Variants in SQOR observed in about 807,000 individuals in gnomAD.
SQOR encodes the protein sulfide quinone oxidoreductase, also known as sulfide:quinone oxidoreductase, mitochondrial.
In SQOR, 39 loss-of-function variants were observed where a neutral mutation model predicts 48.6. That is an observed-to-expected ratio of 0.80 (90% CI 0.62 to 1.05). SQOR has a LOEUF of 1.05. Ranked by LOEUF, SQOR falls within the 50% of genes least tolerant of loss-of-function variation. The probability of loss-of-function intolerance (pLI) is 0.00; values close to 1 mark genes in which losing one functional copy is unlikely to be tolerated. For missense variants in SQOR, 561 were observed against 559.9 expected (o/e 1.00, Z -0.02); for synonymous variants, 220 against 206.2 (o/e 1.07, Z -0.57).
intron 1 of SQOR, among the ~76,000 whole-genome samples, chr15:45,642,813 T>C (rs1437435868): frequency 6.6e-6 from 1 of 152,134 alleles, no homozygotes; most frequent in Admixed American, 6.5e-5. Flanking sequence ...CAGAAGCCTT[T>C]CCCACGTCTT....
At chr15:45,669,846 G>T in intron 3 of SQOR, 82 bp from the exon 4 acceptor site, 1 of 1,194,558 alleles carries the variant, frequency 8.4e-7, no homozygotes, top group South Asian at 1.2e-5. Flanking sequence ...AGACCACATG[G>T]AACCACATCT....
chr15:45,644,009 A>T (rs1356920790), intron 1 of SQOR, among the ~76,000 whole-genome samples: 1 of 152,228 alleles, frequency 6.6e-6, no homozygotes, highest in African/African-American at 2.4e-5. Flanking sequence ...AATTTAGCTC[A>T]ATCACCCACA....
chr15:45,642,991 A>C (rs572717465), intron 1 of SQOR, among the ~76,000 whole-genome samples: 1 of 152,290 alleles, frequency 6.6e-6, no homozygotes, highest in South Asian at 2.1e-4. Flanking sequence ...TTTCTCCTCC[A>C]ACAGGAGGGT....
chr15:45,674,691 G>A (rs1890005027), intron 5 of SQOR, among the ~76,000 whole-genome samples: 1 of 152,134 alleles, frequency 6.6e-6, no homozygotes, highest in African/African-American at 2.4e-5. Context: ...AGAGATATTT[G>A]GGCAGGAGGA....
At chr15:45,643,834 T>C (rs1214507981) in intron 1 of SQOR, among the ~76,000 whole-genome samples, 1 of 152,166 alleles carries the variant, frequency 6.6e-6, no homozygotes, top group African/African-American at 2.4e-5. Flanking sequence ...ATGGATAAAA[T>C]AGATGTGAAG....
intron 8 of SQOR, 43 bp downstream of exon 8, chr15:45,688,447 C>T (rs779676686): frequency 1.4e-6 from 2 of 1,397,402 alleles, no homozygotes; most frequent in East Asian, 4.7e-5. Context: ...TGATCATCTT[C>T]CATTCTGTGT....
rs578015991 is a variant in SQOR, at chr15:45,664,269, G to A, written c.405+2144G>A. On this transcript the variant is annotated intron_variant, in intron 3 of 9. Transcript: ENST00000260324. ...TTTGTATTCTTTCTTGGACACCCAG[G>A]ATGTTATTGTTTTTAATACACTTAA... Among the ~76,000 whole-genome samples the A allele has an allele frequency of 9.2e-5, 14 of 152,188 alleles. No individual in the cohort carries two copies. In the South Asian group the frequency reaches 2.9e-3, roughly 32 times the overall value.
Position 45,690,807 on chromosome 15 carries a change from T to C in SQOR, c.1296-166T>C, listed in dbSNP as rs568792969. Among the ~76,000 whole-genome samples the C allele has an allele frequency of 6.6e-5, 10 of 152,322 alleles. No homozygotes were observed. In the South Asian group the frequency reaches 2.1e-3, roughly 32 times the overall value. ...GTCAAAGCTTAGGAATGGAAGTAGG[T>C]TGTCCCCTCCTAGTCATGGGATCTC... is the stretch of plus-strand genomic sequence containing the variant. On this transcript the variant is annotated intron_variant, in intron 9 of 9. Transcript: ENST00000260324.
At chr15:45,651,188 C>T (rs952238801) in intron 1 of SQOR, among the ~76,000 whole-genome samples, 5 of 152,212 alleles carry the variant, frequency 3.3e-5, no homozygotes, top group Admixed American at 1.3e-4. Context: ...AGAATTCAAG[C>T]GCAGCACCTG....
intron 3 of SQOR, among the ~76,000 whole-genome samples, chr15:45,669,178 A>ATTT (rs145149961): frequency 6.8e-6 from 1 of 147,270 alleles, no homozygotes; most frequent in Non-Finnish European, 1.5e-5. Context: ...TTTTTTTTTA[A>ATTT]TTTTTTTTTG....
At position 45,635,880 on chromosome 15, in the gene SQOR, A is replaced by G. The variant is rs561065755; in HGVS notation, c.-18+772A>G. On this transcript the variant is annotated intron_variant, in intron 1 of 9. Transcript: ENST00000260324. ...AGACAGAGTCTTGCTCTGTCGCCCA[A>G]GCTGGAGTGCAGTGGCGCGATCTCG... Among the ~76,000 whole-genome samples, 4 of 152,158 alleles carry G rather than the reference A, an allele frequency of 2.6e-5. No individual in the cohort carries two copies. In the East Asian group the frequency reaches 5.8e-4, roughly 22 times the overall value.
intron 1 of SQOR, among the ~76,000 whole-genome samples, chr15:45,648,847 A>T (rs1440507046): frequency 6.6e-6 from 1 of 152,186 alleles, no homozygotes; most frequent in Non-Finnish European, 1.5e-5. Context: ...TTGATTTTGG[A>T]AGTGTTCTAC....
intron 4 of SQOR, among the ~76,000 whole-genome samples, chr15:45,671,996 CA>C (rs1555401755): frequency 6.6e-6 from 1 of 152,208 alleles, no homozygotes; most frequent in Admixed American, 6.5e-5. Flanking sequence ...GATGAGGGGT[CA>C]AAACCACCCT....
At chr15:45,673,486 T>G in intron 4 of SQOR, 121 bp from the exon 5 acceptor site, 3 of 1,064,060 alleles carry the variant, frequency 2.8e-6, no homozygotes, top group Non-Finnish European at 4.1e-6. Context: ...TCTAGGCATG[T>G]GGGTATTGGA....
At chr15:45,665,555 A>G (rs1360066998) in intron 3 of SQOR, among the ~76,000 whole-genome samples, 1 of 151,024 alleles carries the variant, frequency 6.6e-6, no homozygotes, top group East Asian at 1.9e-4. Flanking sequence ...AGCAAATATT[A>G]TTCAAGTGAC....
At chr15:45,641,248 G>A (rs1895100878) in intron 1 of SQOR, among the ~76,000 whole-genome samples, 1 of 152,138 alleles carries the variant, frequency 6.6e-6, no homozygotes, top group African/African-American at 2.4e-5. Flanking sequence ...AATAAGGATA[G>A]GTCAGGATAA....
rs141060633 is a variant in SQOR, at chr15:45,662,007, T to C, written c.287T>C (p.Leu96Ser). ...CTGGTGGGTGCTGGTGCCAAACAAT[T>C]GTCCTCATCTGGTCGTCCCACGGCA... The part of the protein sequence containing the change: ...WTLVGAGAKQ[L>S]SSSGRPTASV... The change falls in exon 3 of 10, where the codon TTG becomes TCG. Residue 96 changes from leucine to serine, a missense_variant. Transcript: ENST00000260324. The C allele has an allele frequency of 1.1e-4, 172 of 1,614,122 alleles. No individual in the cohort carries two copies. The highest frequency in any genetic ancestry group is 1.4e-4 in the Non-Finnish European group (164 of 1,180,046).
intron 1 of SQOR, among the ~76,000 whole-genome samples, chr15:45,657,883 C>T (rs146276378): frequency 1.4e-4 from 21 of 152,286 alleles, no homozygotes; most frequent in Non-Finnish European, 2.8e-4. Context: ...AAGAACTGGA[C>T]TTGACGGTAG....
At chr15:45,631,234 A>T (rs1430649109), upstream of SQOR, 1 of 157,728 alleles carries the variant, frequency 6.3e-6, no homozygotes, top group Non-Finnish European at 1.4e-5. Flanking sequence ...TGGTACTGTA[A>T]GTCCAATTAA....
Sources: allele counts gnomAD v4.1 joint callset (sites outside exome capture counted in the v4.1 genomes callset), GRCh38; gene constraint gnomAD v4.1.1; transcripts MANE v1.5; gene names NCBI Gene and HGNC (gene_info 2026-07-23, HGNC 2026-07-21).